The following TENM2 variants were observed in gnomAD, a reference collection of about 807,000 sequenced individuals.
TENM2 encodes teneurin-2.
A neutral mutation model predicts 245.2 loss-of-function variants in TENM2; 52 were observed. That is an observed-to-expected ratio of 0.21 (90% confidence interval 0.17 to 0.27). The LOEUF is 0.27. Ranked by LOEUF, TENM2 falls within the 10% of genes least tolerant of loss-of-function variation. The pLI is 1.00. For synonymous variants in TENM2, 1,363 were observed against 1,438.9 expected (o/e 0.95, Z 1.19); for missense variants, 3,046 against 3,666.8 (o/e 0.83, Z 4.37).
At chr5:167,921,824 A>G (rs1025295170) in intron 3 of TENM2, among the ~76,000 whole-genome samples, 1 of 152,310 alleles carries the variant, frequency 6.6e-6, no homozygotes, top group Admixed American at 6.5e-5. Flanking sequence ...ACCTCATGAA[A>G]TCTTCATGAA....
At chr5:167,237,111 G>T in the TENM2 span, among the ~76,000 whole-genome samples, 1 of 152,030 alleles carries the variant, frequency 6.6e-6, no homozygotes, top group Non-Finnish European at 1.5e-5. Context: ...AGGAACCCCT[G>T]TTTTCTGTCA....
chr5:167,445,037 A>T (rs12153692), intron 2 of TENM2, among the ~76,000 whole-genome samples: 39,359 of 151,848 alleles, frequency 0.26, 6,102 homozygotes, highest in Non-Finnish European at 0.35. Context: ...ATTATATATT[A>T]AGCACTTAGA....
chr5:168,253,286 A>G (rs1271705396), intron 27 of TENM2, among the ~76,000 whole-genome samples: 1 of 151,180 alleles, frequency 6.6e-6, no homozygotes, highest in African/African-American at 2.4e-5. Context: ...TTTCTTCATC[A>G]GCAAAATAGT....
At chr5:167,724,389 CT>C (rs769426515) in intron 2 of TENM2, among the ~76,000 whole-genome samples, 5 of 151,696 alleles carry the variant, frequency 3.3e-5, no homozygotes, top group Non-Finnish European at 5.9e-5. Context: ...AAAAATTCTA[CT>C]TCATGAAGTC....
intron 2 of TENM2, among the ~76,000 whole-genome samples, chr5:167,580,230 C>T (rs1431191431): frequency 6.6e-6 from 1 of 152,156 alleles, no homozygotes; most frequent in African/African-American, 2.4e-5. Flanking sequence ...TATGCAAGGG[C>T]AAATTTGAGC....
the TENM2 span, among the ~76,000 whole-genome samples, chr5:167,021,199 G>A: frequency 6.6e-6 from 1 of 152,162 alleles, no homozygotes; most frequent in Admixed American, 6.5e-5. Flanking sequence ...TGCAAAAGTG[G>A]CCTATGCCTT....
At chr5:167,770,468 T>G (rs1763330263) in intron 2 of TENM2, among the ~76,000 whole-genome samples, 1 of 152,210 alleles carries the variant, frequency 6.6e-6, no homozygotes, top group African/African-American at 2.4e-5. Flanking sequence ...TGACTTTTTA[T>G]ACCAACCTTA....
intron 2 of TENM2, among the ~76,000 whole-genome samples, chr5:167,429,605 CTCTTT>C (rs1427179828): frequency 2.3e-5 from 3 of 132,260 alleles, no homozygotes; most frequent in South Asian, 2.4e-4. Context: ...CTCTCTCTCT[CTCTTT>C]TTTTTTTTTT....
intron 2 of TENM2, among the ~76,000 whole-genome samples, chr5:167,457,239 C>T (rs936172201): frequency 6.6e-6 from 1 of 152,202 alleles, no homozygotes; most frequent in Admixed American, 6.5e-5. Context: ...AATCATATTG[C>T]AAAACCTTAT....
chr5:167,783,586 G>A (rs191751290), intron 2 of TENM2, among the ~76,000 whole-genome samples: 7 of 152,300 alleles, frequency 4.6e-5, no homozygotes, highest in African/African-American at 9.6e-5. Flanking sequence ...TCAGCTCCGC[G>A]GATGCCAAAG....
chr5:168,253,055 C>T (rs1362596202), intron 27 of TENM2, among the ~76,000 whole-genome samples: 1 of 151,776 alleles, frequency 6.6e-6, no homozygotes, highest in Admixed American at 6.6e-5. Context: ...CAACCTCTGC[C>T]TCCCGGGTTC....
intron 12 of TENM2, among the ~76,000 whole-genome samples, chr5:168,151,788 A>T (rs1042229176): frequency 1.3e-5 from 2 of 152,254 alleles, no homozygotes; most frequent in Admixed American, 1.3e-4. Context: ...GTGACTTGGT[A>T]TAAAAGTCTG....
chr5:168,192,241 C>T (rs899474928), intron 14 of TENM2, among the ~76,000 whole-genome samples: 2 of 152,102 alleles, frequency 1.3e-5, no homozygotes, highest in Non-Finnish European at 2.9e-5. Context: ...ATAACATTGC[C>T]CTAGAAATGT....
chr5:167,945,420 G>A (rs1020022616), intron 3 of TENM2, among the ~76,000 whole-genome samples: 1 of 152,100 alleles, frequency 6.6e-6, no homozygotes, highest in Admixed American at 6.5e-5. Context: ...TCTTTAAAGG[G>A]GAGAGCAATA....
At chr5:167,885,228 T>C (rs951617291) in intron 3 of TENM2, among the ~76,000 whole-genome samples, 1 of 152,242 alleles carries the variant, frequency 6.6e-6, no homozygotes, top group Non-Finnish European at 1.5e-5. Flanking sequence ...TGGTGTCCTT[T>C]GATGTGTAAA....
chr5:167,164,362 T>C, the TENM2 span, among the ~76,000 whole-genome samples: 1 of 152,236 alleles, frequency 6.6e-6, no homozygotes, highest in South Asian at 2.1e-4. Flanking sequence ...ATAGCTTCAC[T>C]ATAGATGTCA....
rs569036509 is a variant in TENM2, at chr5:167,944,860, C to G, written c.713-7728C>G. Reference sequence around the variant, plus strand: ...CAGTAAAACTGTTATTTTAAAAAAGCAGAAGAGGTGATCAGGCAGCAAGTG... The same window carrying G: ...CAGTAAAACTGTTATTTTAAAAAAGGAGAAGAGGTGATCAGGCAGCAAGTG... On this transcript the variant is annotated intron_variant, in intron 3 of 28. Transcript: ENST00000518659. Among the ~76,000 whole-genome samples the G allele has an allele frequency of 1.6e-4, 24 of 152,180 alleles. 1 individual carries two copies. Among genetic ancestry groups the G allele is most frequent in the African/African-American group, 4.8e-4 (20 of 41,518 alleles).
chr5:167,148,276 A>G, the TENM2 span, among the ~76,000 whole-genome samples: 1 of 152,178 alleles, frequency 6.6e-6, no homozygotes, highest in Non-Finnish European at 1.5e-5. Context: ...AAAATCACAA[A>G]ATGTGCATAC....
the TENM2 span, among the ~76,000 whole-genome samples, chr5:167,212,035 G>A: frequency 1.3e-5 from 2 of 152,096 alleles, no homozygotes; most frequent in Non-Finnish European, 2.9e-5. Context: ...CCACATCAGA[G>A]CGTTTCTCAT....
Sources: gnomAD v4.1 joint callset for allele counts (sites outside exome capture counted in the v4.1 genomes callset) on GRCh38, gnomAD v4.1.1 for gene constraint, MANE v1.5 for transcripts, NCBI Gene and HGNC (gene_info 2026-07-23, HGNC 2026-07-21) for gene names.